The following CNTN5 variants were observed in gnomAD, a reference collection of about 807,000 sequenced individuals.
CNTN5 encodes contactin 5.
Under a neutral mutation model 129.1 loss-of-function variants are expected in CNTN5, and 77 were observed. The observed-to-expected ratio is 0.60, with a 90% confidence interval of 0.50 to 0.72. The LOEUF is 0.72. Among genes scored for constraint, CNTN5 ranks in the 30% least tolerant of loss-of-function variants. The probability of loss-of-function intolerance (pLI) is 0.00; values close to 1 mark genes in which losing one functional copy is unlikely to be tolerated. For synonymous variants in CNTN5, 509 were observed against 465.6 expected, an observed-to-expected ratio of 1.09 and a Z score of -1.20; for missense variants, 1,478 against 1,328.8, an observed-to-expected ratio of 1.11 and a Z score of -1.75.
intron 1 of CNTN5, among the ~76,000 whole-genome samples, chr11:99,167,351 T>C (rs1860920789): frequency 2.0e-5 from 3 of 152,134 alleles, no homozygotes; most frequent in South Asian, 2.1e-4. Context: ...TATAGTTAAA[T>C]TGATTTTTCC....
chr11:100,072,081 A>T (rs535151525), intron 12 of CNTN5, among the ~76,000 whole-genome samples: 2 of 152,292 alleles, frequency 1.3e-5, no homozygotes, highest in South Asian at 4.1e-4. Context: ...GGTTTACACA[A>T]TACGTCTTTG....
At chr11:99,369,315 C>G (rs1010075657) in intron 2 of CNTN5, among the ~76,000 whole-genome samples, 1 of 149,018 alleles carries the variant, frequency 6.7e-6, no homozygotes, top group Non-Finnish European at 1.5e-5. Flanking sequence ...CAAGAAGGAA[C>G]CTTTGTAACA....
chr11:99,564,525 A>G (rs960992), intron 3 of CNTN5, among the ~76,000 whole-genome samples: 67,813 of 152,046 alleles, frequency 0.45, 16,548 homozygotes, highest in South Asian at 0.55. Context: ...AACAAAAAAG[A>G]ACTTTAAAAC....
chr11:99,997,851 A>T (rs557526538), intron 8 of CNTN5, among the ~76,000 whole-genome samples: 4 of 152,316 alleles, frequency 2.6e-5, no homozygotes, highest in African/African-American at 9.6e-5. Flanking sequence ...CTGATTCAAT[A>T]TACGCATATC....
At chr11:99,105,420 A>G (rs1866949742) in intron 1 of CNTN5, among the ~76,000 whole-genome samples, 1 of 152,206 alleles carries the variant, frequency 6.6e-6, no homozygotes. Flanking sequence ...ACTAACTACC[A>G]TAAATGTTGT....
intron 17 of CNTN5, among the ~76,000 whole-genome samples, chr11:100,266,367 A>C (rs1451795881): frequency 1.3e-5 from 2 of 152,094 alleles, no homozygotes; most frequent in Non-Finnish European, 2.9e-5. Flanking sequence ...TTTGAAACCA[A>C]GTTGTCCCTA....
chr11:100,177,597 C>A (rs912766971), intron 13 of CNTN5, among the ~76,000 whole-genome samples: 2 of 152,150 alleles, frequency 1.3e-5, no homozygotes, highest in African/African-American at 4.8e-5. Flanking sequence ...ATTTTCAAGT[C>A]TGTGCTTAGA....
chr11:99,278,922 G>A (rs959632805), intron 1 of CNTN5, among the ~76,000 whole-genome samples: 19 of 151,762 alleles, frequency 1.3e-4, no homozygotes, highest in African/African-American at 4.1e-4. Flanking sequence ...ATAGTGGACC[G>A]TTCCATTGTG....
At position 99,220,890 on chromosome 11, in the gene CNTN5, A is replaced by AG. The variant is rs561873523; in HGVS notation, c.-209-104456_-209-104455insG. On this transcript the variant is annotated intron_variant, in intron 1 of 24. Coordinates refer to ENST00000524871, the MANE Select transcript of CNTN5 (RefSeq NM_014361.4). Reference sequence around the variant, plus strand: ...ATGAAAACAATGATTTAAAAAAAAAATCAGCTTTTTAGTCTACTAAGTGGG... The same window carrying AG: ...ATGAAAACAATGATTTAAAAAAAAAAGTCAGCTTTTTAGTCTACTAAGTGGG... Among the ~76,000 whole-genome samples the AG allele has an allele frequency of 1.5e-4, 23 of 152,108 alleles. 1 individual carries two copies. In the South Asian group the frequency reaches 4.8e-3, roughly 32 times the overall value.
At chr11:99,513,200 G>C (rs1336494015) in intron 2 of CNTN5, among the ~76,000 whole-genome samples, 1 of 152,158 alleles carries the variant, frequency 6.6e-6, no homozygotes, top group East Asian at 1.9e-4. Context: ...ACAGAGAAAA[G>C]CCCTTACTCT....
chr11:100,261,467 CA>C (rs571894091), intron 17 of CNTN5, among the ~76,000 whole-genome samples: 161 of 152,098 alleles, frequency 1.1e-3, no homozygotes, highest in African/African-American at 3.9e-3. Flanking sequence ...CATGTGGAAC[CA>C]AAAAAGAGCC....
chr11:100,093,441 T>C (rs1047077216), intron 13 of CNTN5, among the ~76,000 whole-genome samples: 3 of 151,944 alleles, frequency 2.0e-5, no homozygotes, highest in African/African-American at 7.3e-5. Flanking sequence ...TTTATTATTT[T>C]TTTTTTATAC....
chr11:99,094,601 G>T (rs1866392194), intron 1 of CNTN5, among the ~76,000 whole-genome samples: 2 of 151,974 alleles, frequency 1.3e-5, no homozygotes, highest in East Asian at 1.9e-4. Flanking sequence ...AGACAGCCAT[G>T]TCAGGAAAAA....
At chr11:100,227,860 T>C (rs1949411792) in intron 16 of CNTN5, among the ~76,000 whole-genome samples, 1 of 152,278 alleles carries the variant, frequency 6.6e-6, no homozygotes, top group African/African-American at 2.4e-5. Flanking sequence ...GGGAGGTAGA[T>C]ATGTAAGAGA....
intron 21 of CNTN5, among the ~76,000 whole-genome samples, chr11:100,310,679 A>G (rs1951452844): frequency 7.0e-6 from 1 of 143,790 alleles, no homozygotes; most frequent in South Asian, 2.2e-4. Flanking sequence ...GACTATGTAG[A>G]AAAAATAGGG....
chr11:100,128,183 G>A (rs1946257743), intron 13 of CNTN5, among the ~76,000 whole-genome samples: 1 of 151,704 alleles, frequency 6.6e-6, no homozygotes, highest in Admixed American at 6.6e-5. Context: ...TCCCTTTTAC[G>A]TACCCAAACC....
At chr11:99,791,941 T>C (rs754504439) in intron 3 of CNTN5, among the ~76,000 whole-genome samples, 23 of 152,186 alleles carry the variant, frequency 1.5e-4, no homozygotes, top group Non-Finnish European at 2.9e-4. Context: ...TTACTGATTT[T>C]TGAACATTTA....
intron 2 of CNTN5, among the ~76,000 whole-genome samples, chr11:99,392,062 T>G (rs1346460360): frequency 1.3e-5 from 2 of 151,932 alleles, no homozygotes; most frequent in Admixed American, 1.3e-4. Context: ...AATTCTTAGT[T>G]AATTGTCTGT....
intron 2 of CNTN5, among the ~76,000 whole-genome samples, chr11:99,333,554 T>C (rs1320803185): frequency 6.6e-6 from 1 of 152,054 alleles, no homozygotes; most frequent in Admixed American, 6.6e-5. Flanking sequence ...CATTTTATAA[T>C]TACTTTCTGA....
Sources: allele counts gnomAD v4.1 joint callset (sites outside exome capture counted in the v4.1 genomes callset), GRCh38; gene constraint gnomAD v4.1.1; transcripts MANE v1.5; gene names NCBI Gene and HGNC (gene_info 2026-07-23, HGNC 2026-07-21).